The following ROBO2 variants were observed in gnomAD, a reference collection of about 807,000 sequenced individuals.
The protein encoded by ROBO2 is roundabout guidance receptor 2.
Under a neutral mutation model 160.8 loss-of-function variants are expected in ROBO2, and 53 were observed. The ratio of observed to expected loss-of-function variants is 0.33; its 90% CI spans 0.26 to 0.41. The LOEUF (loss-of-function observed/expected upper bound fraction) is 0.41. Ranked by LOEUF, ROBO2 falls within the 10% of genes least tolerant of loss-of-function variation. The pLI, the probability that ROBO2 is intolerant of heterozygous loss-of-function variation, is 1.00. For missense variants in ROBO2, 1,577 were observed against 1,722.4 expected (o/e 0.92, Z 1.49); for synonymous variants, 664 against 611.7 (o/e 1.09, Z -1.26).
At chr3:77,091,508 G>A (rs1304558701) in intron 1 of ROBO2, among the ~76,000 whole-genome samples, 1 of 152,120 alleles carries the variant, frequency 6.6e-6, no homozygotes, top group African/African-American at 2.4e-5. Flanking sequence ...TGCAAATTAA[G>A]GTGCTTAGAA....
At chr3:77,028,655 G>A (rs1302358637) in intron 2 of ROBO2, among the ~76,000 whole-genome samples, 1 of 152,138 alleles carries the variant, frequency 6.6e-6, no homozygotes, top group African/African-American at 2.4e-5. Flanking sequence ...GGGAGACGGG[G>A]TTGCAGTGAG....
At chr3:75,961,544 T>C (rs1948910310) in intron 2 of ROBO2, among the ~76,000 whole-genome samples, 1 of 151,708 alleles carries the variant, frequency 6.6e-6, no homozygotes, top group Non-Finnish European at 1.5e-5. Context: ...TCAATTTTAA[T>C]ATCGATTCTG....
At chr3:76,711,755 G>A (rs556374966) in intron 2 of ROBO2, among the ~76,000 whole-genome samples, 5 of 152,198 alleles carry the variant, frequency 3.3e-5, no homozygotes, top group Admixed American at 2.0e-4. Context: ...TGTCATGAAA[G>A]CACTCTTTCT....
chr3:76,804,621 T>C (rs530316341), intron 2 of ROBO2, among the ~76,000 whole-genome samples: 1 of 152,326 alleles, frequency 6.6e-6, no homozygotes, highest in East Asian at 1.9e-4. Flanking sequence ...GAATGCTATT[T>C]CTTGCCAATT....
rs1291623171 is a variant in ROBO2 at position 77,596,813 on chromosome 3, T to C, written c.2854+63T>C. 5.7e-6 allele frequency: 9 copies of C among 1,586,190 alleles called. No homozygotes were observed. The Admixed American group carries it at 1.4e-4, about 25-fold the overall frequency. On this transcript the variant is annotated intron_variant, in intron 19 of 25. Transcript: ENST00000461745. ...TCTCTCTCTTTTTTTTTTTTTGACC[T>C]TCCTGGATTTTTTTAAAGAAACATA...
At chr3:76,506,768 G>T (rs1331434474) in intron 2 of ROBO2, among the ~76,000 whole-genome samples, 1 of 152,092 alleles carries the variant, frequency 6.6e-6, no homozygotes, top group African/African-American at 2.4e-5. Context: ...CTGTTCCTTA[G>T]AACATGGAGG....
At chr3:77,343,829 A>G (rs149385076) in intron 2 of ROBO2, among the ~76,000 whole-genome samples, 2 of 152,280 alleles carry the variant, frequency 1.3e-5, no homozygotes, top group East Asian at 3.9e-4. Flanking sequence ...AACCAAACAC[A>G]TGGGTGAATG....
At chr3:76,844,580 T>G (rs1296627136) in intron 2 of ROBO2, among the ~76,000 whole-genome samples, 1 of 151,992 alleles carries the variant, frequency 6.6e-6, no homozygotes, top group East Asian at 1.9e-4. Flanking sequence ...CAAGCCTCAC[T>G]TATACACTGG....
At chr3:77,068,565 A>G (rs992765933) in intron 1 of ROBO2, among the ~76,000 whole-genome samples, 1 of 152,124 alleles carries the variant, frequency 6.6e-6, no homozygotes, top group Admixed American at 6.6e-5. Context: ...TTAGTCACGT[A>G]ACAGGCAAGT....
At chr3:76,068,418 A>C (rs1469501113) in intron 2 of ROBO2, among the ~76,000 whole-genome samples, 1 of 152,180 alleles carries the variant, frequency 6.6e-6, no homozygotes, top group Non-Finnish European at 1.5e-5. Context: ...ACGAGAAAAT[A>C]TCACTGTGGG....
chr3:77,309,064 G>GT lies in ROBO2; in HGVS notation c.389-168335dup, dbSNP rs60708956. ...TAGGGCTGAGATTCGGCTATTTATT[G>GT]TTTTTTTTTTTTTTTGCTTTATTTT... is the stretch of plus-strand genomic sequence containing the variant. On this transcript the variant is annotated intron_variant, in intron 2 of 25. Transcript: ENST00000461745. Among the ~76,000 whole-genome samples, 768 of 145,768 alleles carry GT rather than the reference G, an allele frequency of 5.3e-3. 8 individuals carry two copies. The highest frequency in any genetic ancestry group is 0.017 in the African/African-American group (688 of 39,890).
rs545981094 is a variant in ROBO2 at position 76,183,577 on chromosome 3, G to T, written c.109+245975G>T. Reference sequence around the variant, plus strand: ...TTCATTTGTTCATTCATTAAACAAAGATTAAGTAAAGAGCTGTCATATTAC... The same window carrying T: ...TTCATTTGTTCATTCATTAAACAAATATTAAGTAAAGAGCTGTCATATTAC... On this transcript the variant is annotated intron_variant, in intron 2 of 26. Transcript: ENST00000487694. Among the ~76,000 whole-genome samples, 574 of 151,960 alleles carry T rather than the reference G, an allele frequency of 3.8e-3. 2 individuals carry two copies. Among genetic ancestry groups the T allele is most frequent in the African/African-American group, 0.013 (552 of 41,440 alleles).
chr3:77,310,091 C>T (rs2063415229), intron 2 of ROBO2, among the ~76,000 whole-genome samples: 2 of 152,100 alleles, frequency 1.3e-5, no homozygotes, highest in African/African-American at 2.4e-5. Context: ...GTTAGATCCC[C>T]TCCTAGGGTT....
At position 77,300,004 on chromosome 3, in the gene ROBO2, A is replaced by T. The variant is rs543760642; in HGVS notation, c.389-177410A>T. Among the ~76,000 whole-genome samples the T allele has an allele frequency of 3.3e-5, 5 of 152,182 alleles. No individual in the cohort carries two copies. The South Asian group carries it at 1.0e-3, about 32-fold the overall frequency. On this transcript the variant is annotated intron_variant, in intron 2 of 25. Coordinates refer to ENST00000461745, the Ensembl canonical transcript of ROBO2. ...ATCATATTCTCATAGTTTGGAAAAA[A>T]ATACCTCACTCTTTCTCCCAAAAAT...
chr3:77,564,450 A>G, intron 11 of ROBO2: 1 of 455,962 alleles, frequency 2.2e-6, no homozygotes, highest in Non-Finnish European at 4.4e-6. Flanking sequence ...TCTTTTACAG[A>G]TATGTAGTTT....
chr3:76,171,325 C>T (rs1415177286), intron 2 of ROBO2, among the ~76,000 whole-genome samples: 1 of 140,464 alleles, frequency 7.1e-6, no homozygotes, highest in Non-Finnish European at 1.5e-5. Flanking sequence ...AACCAACAAA[C>T]AGAAAAAAAG....
At chr3:77,334,382 A>G (rs2066273746) in intron 2 of ROBO2, among the ~76,000 whole-genome samples, 1 of 152,226 alleles carries the variant, frequency 6.6e-6, no homozygotes, top group South Asian at 2.1e-4. Flanking sequence ...GGCTTCGGGC[A>G]CTAATTTTCT....
chr3:77,317,274 A>ATT, intron 2 of ROBO2: 6 of 691,122 alleles, frequency 8.7e-6, no homozygotes, highest in Admixed American at 4.3e-5. Context: ...TGATTTTAGC[A>ATT]TTTTTTTTTT....
At position 77,592,615 on chromosome 3, in the gene ROBO2, G is replaced by A. The variant is rs975492399; in HGVS notation, c.2684-2527G>A. On this transcript the variant is annotated intron_variant, in intron 17 of 25. Transcript: ENST00000461745. ...AGCCCAGACTGGAGTGCAGTGGCAC[G>A]ATCTTGGCTCACTGCAACCTCCACC... 1.4e-4 allele frequency among the ~76,000 whole-genome samples: 21 copies of A among 152,030 alleles called. 1 individual carries two copies. Among genetic ancestry groups the A allele is most frequent in the Non-Finnish European group, 2.1e-4 (14 of 68,008 alleles).
Sources: allele counts gnomAD v4.1 joint callset (sites outside exome capture counted in the v4.1 genomes callset), GRCh38; gene constraint gnomAD v4.1.1; transcripts MANE v1.5; gene names NCBI Gene and HGNC (gene_info 2026-07-23, HGNC 2026-07-21).